The following HMGXB3 variants were observed in gnomAD, a reference collection of about 807,000 sequenced individuals.
HMGXB3 encodes HMG-box containing 3.
Under a neutral mutation model 121.5 loss-of-function variants are expected in HMGXB3, and 45 were observed. That is an observed-to-expected ratio of 0.37 (90% CI 0.29 to 0.47). The LOEUF is 0.47. Ranked by LOEUF, HMGXB3 falls within the 20% of genes least tolerant of loss-of-function variation. The pLI is 0.99. For missense variants in HMGXB3, 1,376 were observed against 1,602.2 expected, an observed-to-expected ratio of 0.86 and a Z score of 2.41; for synonymous variants, 590 against 624.1, an observed-to-expected ratio of 0.95 and a Z score of 0.81.
chr5:150,044,275 C>T (rs543168807), intron 15 of HMGXB3, among the ~76,000 whole-genome samples: 5 of 152,158 alleles, frequency 3.3e-5, no homozygotes, highest in African/African-American at 9.7e-5. Context: ...GCCCCTCTCT[C>T]GGAGTTGTAT....
intron 9 of HMGXB3, among the ~76,000 whole-genome samples, chr5:150,028,413 T>C (rs774196886): frequency 2.7e-5 from 4 of 146,720 alleles, no homozygotes; most frequent in East Asian, 2.0e-4. Context: ...CGATTTTATA[T>C]ATATATATAT....
chr5:150,040,617 A>G, intron 13 of HMGXB3, 131 bp from the exon 14 acceptor site: 1 of 838,496 alleles, frequency 1.2e-6, no homozygotes, highest in South Asian at 1.9e-5. Context: ...GGCTCAAGCG[A>G]TCCTCCTGCC....
At chr5:150,028,468 A>G (rs946992962) in intron 9 of HMGXB3, among the ~76,000 whole-genome samples, 4 of 138,304 alleles carry the variant, frequency 2.9e-5, no homozygotes, top group Non-Finnish European at 4.6e-5. Context: ...ATGTATATAT[A>G]TGTGTGTTTG....
At chr5:150,028,501 A>ATG (rs1184146545) in intron 9 of HMGXB3, among the ~76,000 whole-genome samples, 12,744 of 96,478 alleles carry the variant, frequency 0.13, 1,491 homozygotes, top group East Asian at 0.18. Context: ...ATATATATGT[A>ATG]TGTATGTGTG....
At chr5:150,030,871 CA>C in intron 10 of HMGXB3, 32 bp downstream of exon 10, 1 of 1,492,522 alleles carries the variant, frequency 6.7e-7, no homozygotes, top group South Asian at 1.2e-5. Flanking sequence ...GGTGGGTTGA[CA>C]TGGAGGTTGT....
Position 150,041,969 on chromosome 5 carries a change from G to A in HMGXB3, c.2730G>A (p.Glu910=). Reference sequence around the variant, plus strand: ...ATGTGCTAGCACTGAAGAGCGTGGAGGTAAGTGCCTCTTAGCCACCGTGAG... The same window carrying A: ...ATGTGCTAGCACTGAAGAGCGTGGAAGTAAGTGCCTCTTAGCCACCGTGAG... ...EENVLALKSV[E]FTWPEFLGSN... Residue 910 remains glutamate, a splice_region_variant and synonymous_variant, in exon 15 of 20, where the codon GAG becomes GAA. Coordinates refer to ENST00000502717, the MANE Select transcript of HMGXB3 (RefSeq NM_014983.3). 1 of 1,549,994 alleles carries A rather than the reference G, an allele frequency of 6.5e-7. No homozygotes were observed. Among genetic ancestry groups the A allele is most frequent in the African/African-American group, 1.4e-5 (1 of 73,110 alleles).
chr5:150,038,155 T>G (rs1332309259), intron 13 of HMGXB3, among the ~76,000 whole-genome samples: 1 of 152,228 alleles, frequency 6.6e-6, no homozygotes, highest in East Asian at 1.9e-4. Context: ...CCTCCCCTAT[T>G]ATTCATCAAC....
chr5:150,027,056 C>T lies in HMGXB3; in HGVS notation c.1673C>T (p.Pro558Leu). The T allele has an allele frequency of 6.4e-7, 1 of 1,551,710 alleles. No homozygotes were observed. Among genetic ancestry groups the T allele is most frequent in the Non-Finnish European group, 8.7e-7 (1 of 1,146,996 alleles). ...TPSVRTCGLK[P>L]STLKQLGQPI... ...TCTGTGAGGACTTGTGGTCTGAAGC[C>T]AAGCACACTGAAGCAGCTGGGCCAG... Residue 558 changes from proline to leucine, a missense_variant, in exon 9 of 20, where the codon CCA becomes CTA. Physicochemically the swap from Pro to Leu is moderately conservative, Grantham distance 98. Coordinates refer to ENST00000502717, the MANE Select transcript of HMGXB3 (RefSeq NM_014983.3).
chr5:150,051,741 A>G lies in HMGXB3; in HGVS notation c.3428A>G (p.Glu1143Gly). ...CTCTTCTAGAGTGTGTCCTGCCCAG[A>G]GCTCTTGGACCAGCATTATACTGTG... The part of the protein sequence containing the change: ...TEPPVSVSCP[E>G]LLDQHYTVDM... Residue 1143 changes from glutamate to glycine, a missense_variant, in exon 20 of 20, where the codon GAG becomes GGG. Around this residue, in one of 2 missense-constraint regions of HMGXB3, gnomAD observed 260 missense variants for 233.2 expected, o/e 1.11. Transcript: ENST00000502717. 6.5e-7 allele frequency: 1 copy of G among 1,528,488 alleles called. No individual in the cohort carries two copies. Among genetic ancestry groups the G allele is most frequent in the South Asian group, 1.2e-5 (1 of 83,608 alleles). 94.7% of individuals were successfully genotyped at this position (1,528,488 alleles called of 1,614,324 possible).
intron 1 of HMGXB3, among the ~76,000 whole-genome samples, chr5:150,002,845 G>C (rs10454987): frequency 0.47 from 72,004 of 152,156 alleles, 20,364 homozygotes; most frequent in Non-Finnish European, 0.63. Context: ...TGCTATTTCA[G>C]TTAATTACAA....
chr5:150,027,676 C>G (rs1354639357), intron 9 of HMGXB3, among the ~76,000 whole-genome samples: 1 of 152,028 alleles, frequency 6.6e-6, no homozygotes, highest in Non-Finnish European at 1.5e-5. Flanking sequence ...TCAGCCTTTC[C>G]TGAGTAGCTG....
At chr5:150,037,177 G>A (rs192711001) in intron 12 of HMGXB3, among the ~76,000 whole-genome samples, 46 of 151,842 alleles carry the variant, frequency 3.0e-4, no homozygotes, top group African/African-American at 1.0e-3. Flanking sequence ...CCCACACAAT[G>A]TTTAGGTTTG....
In HMGXB3 at chr5:150,040,826, A is replaced by G; in HGVS notation, c.2492A>G (p.Glu831Gly). ...FAIRNQIKLG[E>G]DPRVSINVVL... Reference sequence around the variant, plus strand: ...ATCAGAAATCAGATCAAGCTCGGAGAGGACCCCAGAGTGTCCATCAATGTT... The same window carrying G: ...ATCAGAAATCAGATCAAGCTCGGAGGGGACCCCAGAGTGTCCATCAATGTT... The change falls in exon 14 of 20, where the codon GAG (glutamate) becomes GGG (glycine). Residue 831 changes from glutamate (E) to glycine (G), a missense_variant. Coordinates refer to ENST00000502717, the MANE Select transcript of HMGXB3 (RefSeq NM_014983.3). 1.3e-6 allele frequency: 2 copies of G among 1,551,804 alleles called. No homozygotes were observed. The highest frequency in any genetic ancestry group is 1.7e-6 in the Non-Finnish European group (2 of 1,147,002).
chr5:150,017,190 T>A (rs952895581), intron 5 of HMGXB3, among the ~76,000 whole-genome samples: 1 of 152,164 alleles, frequency 6.6e-6, no homozygotes, highest in Admixed American at 6.6e-5. Context: ...CCTAAAGTCA[T>A]TTCTCTAGCC....
chr5:150,050,351 G>C lies in HMGXB3; in HGVS notation c.3301G>C (p.Asp1101His). 6.4e-7 allele frequency: 1 copy of C among 1,551,880 alleles called. No homozygotes were observed. Among genetic ancestry groups the C allele is most frequent in the Non-Finnish European group, 8.7e-7 (1 of 1,147,024 alleles). Reference protein sequence around the residue: ...SRHWPPVYVVDMATSVALCAD... With the variant: ...SRHWPPVYVVHMATSVALCAD... ...CCACTGGCCGCCTGTCTATGTGGTA[G>C]ATATGGCCACGTCAGTGGCCCTGTG... is the stretch of plus-strand genomic sequence containing the variant. The change falls in exon 19 of 20, where the codon GAT (aspartate) becomes CAT (histidine). Residue 1101 changes from aspartate (D) to histidine (H), a missense_variant. Physicochemically the swap from Asp to His is moderately conservative, Grantham distance 81. Transcript: ENST00000502717.
chr5:150,012,380 G>A lies in HMGXB3; in HGVS notation c.909+27G>A, dbSNP rs142794066. ...TCAGTACTGTATGTGGGGGATTGAT[G>A]GCAATTAGGGTGTCATAAGCATTTT... is the stretch of plus-strand genomic sequence containing the variant. On this transcript the variant is annotated intron_variant, in intron 5 of 19. Coordinates refer to ENST00000502717, the MANE Select transcript of HMGXB3 (RefSeq NM_014983.3). 18 of 1,443,670 alleles carry A rather than the reference G, an allele frequency of 1.2e-5. No homozygotes were observed. In the East Asian group the frequency reaches 3.7e-4, roughly 30 times the overall value. 89.4% of individuals were successfully genotyped at this position (1,443,670 alleles called of 1,614,324 possible).
chr5:150,052,934 T>C lies in HMGXB3; in HGVS notation c.*742T>C, dbSNP rs1561897056. 6.5e-6 allele frequency: 1 copy of C among 152,960 alleles called. No homozygotes were observed. The highest frequency in any genetic ancestry group is 1.5e-5 in the Non-Finnish European group (1 of 68,574). The allele number at this position is 152,960 out of a possible 1,614,324, so 9.5% of individuals were successfully genotyped here. A position where few individuals can be genotyped will look rare whatever the true frequency, so the allele number is the denominator to read the frequency against. Reference sequence around the variant, plus strand: ...GGGGATGTGGTCCCTGGTCATGACATAACCTAGCAGCAGTAGGAAAAACTC... The same window carrying C: ...GGGGATGTGGTCCCTGGTCATGACACAACCTAGCAGCAGTAGGAAAAACTC... On this transcript the variant is annotated 3_prime_UTR_variant, in exon 20 of 20. Transcript: ENST00000502717.
intron 13 of HMGXB3, among the ~76,000 whole-genome samples, chr5:150,039,542 C>T (rs957432807): frequency 9.2e-5 from 14 of 151,618 alleles, no homozygotes; most frequent in Non-Finnish European, 5.9e-5. Flanking sequence ...TGTTGTATTT[C>T]TTTGTAGTAG....
chr5:150,050,172 G>A, intron 18 of HMGXB3, 80 bp from the exon 19 acceptor site: 2 of 1,249,160 alleles, frequency 1.6e-6, no homozygotes, highest in Non-Finnish European at 2.3e-6. Context: ...ATCTTCCTGG[G>A]AAGAAGCGAG....
Sources: allele counts gnomAD v4.1 joint callset (sites outside exome capture counted in the v4.1 genomes callset), GRCh38; gene constraint gnomAD v4.1.1; regional missense constraint gnomAD v4.1.1; transcripts MANE v1.5; gene names NCBI Gene and HGNC (gene_info 2026-07-23, HGNC 2026-07-21).